Variants in TNNT3 observed in about 807,000 individuals in gnomAD.
TNNT3 encodes troponin T, fast skeletal muscle.
Under a neutral mutation model 54.2 loss-of-function variants are expected in TNNT3, and 36 were observed. That is an observed-to-expected ratio of 0.66 (90% CI 0.51 to 0.88). TNNT3 has a LOEUF of 0.88. Among genes scored for constraint, TNNT3 ranks in the 40% least tolerant of loss-of-function variants. TNNT3 has a pLI of 0.00. For synonymous variants in TNNT3, 120 were observed against 109.7 expected, an observed-to-expected ratio of 1.09 and a Z score of -0.59; for missense variants, 291 against 331.6, an observed-to-expected ratio of 0.88 and a Z score of 0.95.
chr11:1,937,102 C>A, intron 15 of TNNT3, 99 bp downstream of exon 15: 1 of 1,329,802 alleles, frequency 7.5e-7, no homozygotes, highest in Non-Finnish European at 1.0e-6. Flanking sequence ...TGGCTGGCCT[C>A]GGCAGGGCAG....
At chr11:1,929,191 C>T (rs751661891) in intron 7 of TNNT3, 48 bp downstream of exon 7, 85 of 1,605,970 alleles carry the variant, frequency 5.3e-5, no homozygotes, top group Non-Finnish European at 6.4e-5. Context: ...TGGCTCTAGC[C>T]GACGCGAGGG....
intron 5 of TNNT3, chr11:1,925,431 G>T (rs945736189): frequency 1.3e-6 from 1 of 794,974 alleles, no homozygotes; most frequent in Non-Finnish European, 2.1e-6. Context: ...CCCACTAACC[G>T]CGGCCAATGC....
chr11:1,931,775 C>T, intron 8 of TNNT3, among the ~76,000 whole-genome samples: 1 of 146,120 alleles, frequency 6.8e-6, no homozygotes, highest in East Asian at 2.0e-4. Flanking sequence ...TGTCATCTGG[C>T]CTTCTTTCCC....
At chr11:1,921,503 C>G (rs1850109857) in intron 1 of TNNT3, 1 of 152,214 alleles carries the variant, frequency 6.6e-6, no homozygotes, top group African/African-American at 2.4e-5. Context: ...CTGAGGAGAG[C>G]CTGGCCCAGC....
At chr11:1,937,780 G>A (rs544149133) in intron 15 of TNNT3, among the ~76,000 whole-genome samples, 75 of 152,316 alleles carry the variant, frequency 4.9e-4, no homozygotes, top group Non-Finnish European at 8.4e-4. Context: ...CTGTTGTGCC[G>A]TCAGGGGTCA....
At chr11:1,922,739 C>G in intron 1 of TNNT3, 118 bp from the exon 2 acceptor site, 1 of 1,008,540 alleles carries the variant, frequency 9.9e-7, no homozygotes, top group Non-Finnish European at 1.5e-6. Context: ...GCCCCCAAAC[C>G]CTGCCCGCGG....
chr11:1,931,707 C>T (rs1589966144), intron 8 of TNNT3, among the ~76,000 whole-genome samples: 1 of 144,482 alleles, frequency 6.9e-6, no homozygotes, highest in Non-Finnish European at 1.5e-5. Flanking sequence ...TTTTTTTTGC[C>T]TTTCCATTTT....
At chr11:1,937,725 G>T (rs887657719) in intron 15 of TNNT3, among the ~76,000 whole-genome samples, 1 of 152,212 alleles carries the variant, frequency 6.6e-6, no homozygotes, top group Non-Finnish European at 1.5e-5. Flanking sequence ...TCCCTGCGGC[G>T]CCCAGGGCGG....
At chr11:1,924,937 G>A (rs1851109415) in intron 4 of TNNT3, 162 bp from the exon 5 acceptor site, 3 of 764,764 alleles carry the variant, frequency 3.9e-6, no homozygotes, top group South Asian at 2.9e-5. Context: ...AGAGATGCAG[G>A]ACTGAGCCCC....
intron 6 of TNNT3, among the ~76,000 whole-genome samples, chr11:1,927,522 A>G (rs900606941): frequency 6.6e-6 from 1 of 152,052 alleles, no homozygotes; most frequent in Non-Finnish European, 1.5e-5. Flanking sequence ...CCTGGACAAG[A>G]AGGGACATGC....
At chr11:1,920,294 C>T (rs1178929681) in intron 1 of TNNT3, among the ~76,000 whole-genome samples, 2 of 152,124 alleles carry the variant, frequency 1.3e-5, no homozygotes, top group Non-Finnish European at 1.5e-5. Flanking sequence ...ATGGCCAGCC[C>T]GAGTGTGTTG....
chr11:1,934,513 C>T, intron 12 of TNNT3, 33 bp from the exon 13 acceptor site: 4 of 1,606,278 alleles, frequency 2.5e-6, no homozygotes, highest in South Asian at 1.1e-5. Flanking sequence ...CCTCCTGAGA[C>T]CAGGCCCCTC....
Position 1,932,381 on chromosome 11 carries a change from G to A in TNNT3, c.126-88G>A, listed in dbSNP as rs529629037. 3.1e-6 allele frequency: 4 copies of A among 1,309,982 alleles called. No homozygotes were observed. In the South Asian group the frequency reaches 4.7e-5, roughly 15 times the overall value. 81.1% of individuals were successfully genotyped at this position (1,309,982 alleles called of 1,614,324 possible). A position where few individuals can be genotyped will look rare whatever the true frequency, so the allele number is the denominator to read the frequency against. On this transcript the variant is annotated intron_variant, in intron 8 of 15. Transcript: ENST00000278317. ...GCCAGAGCAGGAGGGCACCAGGGTTGGCAGGGGCCAGCGGGGAAAGCGCCA... is the reference window on the plus strand; with the variant it reads ...GCCAGAGCAGGAGGGCACCAGGGTTAGCAGGGGCCAGCGGGGAAAGCGCCA...
At position 1,938,271 on chromosome 11, in the gene TNNT3, G is replaced by A. The variant is rs909271095; in HGVS notation, c.723-167G>A. The A allele has an allele frequency of 4.8e-4, 360 of 755,666 alleles. 3 individuals are homozygous for A. The highest frequency in any genetic ancestry group is 1.2e-4 in the Non-Finnish European group (52 of 423,602). 46.8% of individuals were successfully genotyped at this position (755,666 alleles called of 1,614,324 possible). A position where few individuals can be genotyped will look rare whatever the true frequency, so the allele number is the denominator to read the frequency against. On this transcript the variant is annotated intron_variant, in intron 15 of 15. Transcript: ENST00000278317. Reference sequence around the variant, plus strand: ...CGACCTAGGCCCGCCAGGCACAGGTGAGTGGGCACTGCCCGGACTGAAGCT... The same window carrying A: ...CGACCTAGGCCCGCCAGGCACAGGTAAGTGGGCACTGCCCGGACTGAAGCT...
rs371249945 is a variant in TNNT3 at position 1,936,935 on chromosome 11, C to T, written c.682-28C>T. On this transcript the variant is annotated intron_variant, in intron 14 of 15. Transcript: ENST00000278317. ...CACGCAGGCCTGGCCCTCGGGTCGT[C>T]GCAGTGAGTCACTCATGTTGTTCAC... The T allele has an allele frequency of 3.2e-5, 51 of 1,595,740 alleles. No individual in the cohort carries two copies. In the African/African-American group the frequency reaches 3.6e-4, roughly 11 times the overall value.
At chr11:1,937,490 T>C (rs1264378893) in intron 15 of TNNT3, among the ~76,000 whole-genome samples, 3 of 152,028 alleles carry the variant, frequency 2.0e-5, no homozygotes, top group African/African-American at 7.2e-5. Context: ...TGAAACCTCA[T>C]CCATAAAATC....
intron 1 of TNNT3, among the ~76,000 whole-genome samples, chr11:1,922,524 G>A (rs149975870): frequency 6.7e-4 from 102 of 152,298 alleles, no homozygotes; most frequent in African/African-American, 2.2e-3. Context: ...CCTCCTCAGG[G>A]GACGCCACGG....
intron 9 of TNNT3, 43 bp downstream of exon 9, chr11:1,932,557 A>G (rs904924659): frequency 1.2e-6 from 2 of 1,604,954 alleles, no homozygotes; most frequent in African/African-American, 2.7e-5. Context: ...CGGTTTCCCC[A>G]CACCCCAGCT....
At position 1,933,793 on chromosome 11, in the gene TNNT3, C is replaced by T. The variant is rs193178655; in HGVS notation, c.244C>T (p.Arg82Trp). 20 of 1,612,854 alleles carry T rather than the reference C, an allele frequency of 1.2e-5. No homozygotes were observed. The highest frequency in any genetic ancestry group is 3.3e-5 in the Admixed American group (2 of 60,012). The change falls in exon 10 of 16, where the codon CGG becomes TGG. Residue 82 changes from arginine (R) to tryptophan (W), a missense_variant. Coordinates refer to ENST00000278317, the MANE Select transcript of TNNT3 (RefSeq NM_006757.4). ...QALIDSHFEA[R>W]KKEEEELVAL... ...CCTCATCGACAGCCACTTTGAAGCC[C>T]GGAAGAAGGAGGAGGAGGAGCTGGT...
Sources: allele counts gnomAD v4.1 joint callset (sites outside exome capture counted in the v4.1 genomes callset), GRCh38; gene constraint gnomAD v4.1.1; transcripts MANE v1.5; gene names NCBI Gene and HGNC (gene_info 2026-07-23, HGNC 2026-07-21).